ZYG11B: variants seen among roughly 807,000 people sequenced by gnomAD.
ZYG11B encodes zyg-11 family member B, cell cycle regulator, also known as protein zyg-11 homolog B.
In ZYG11B, 36 loss-of-function variants were observed where a neutral mutation model predicts 82.4. The ratio of observed to expected loss-of-function variants is 0.44; its 90% CI spans 0.33 to 0.58. The LOEUF (loss-of-function observed/expected upper bound fraction) is 0.58, where lower values mean the gene tolerates loss of function less well. Among genes scored for constraint, ZYG11B ranks in the 20% least tolerant of loss-of-function variants. The probability of loss-of-function intolerance (pLI) is 0.02; values close to 1 mark genes in which losing one functional copy is unlikely to be tolerated. For synonymous variants in ZYG11B, 303 were observed against 312.8 expected, an observed-to-expected ratio of 0.97 and a Z score of 0.33; for missense variants, 552 against 895.6, an observed-to-expected ratio of 0.62 and a Z score of 4.90.
At chr1:52,797,436 A>T (rs1390991823) in intron 8 of ZYG11B, among the ~76,000 whole-genome samples, 2 of 126,538 alleles carry the variant, frequency 1.6e-5, no homozygotes, top group African/African-American at 3.2e-5. Flanking sequence ...ATTATATATA[A>T]CATATATATT....
intron 1 of ZYG11B, chr1:52,754,512 G>A (rs1447750067): frequency 6.6e-6 from 1 of 152,314 alleles, no homozygotes; most frequent in Non-Finnish European, 1.5e-5. Context: ...CTCCCAAGTA[G>A]CTGGGGTTAC....
intron 2 of ZYG11B, among the ~76,000 whole-genome samples, chr1:52,758,831 T>TA (rs1421415206): frequency 6.6e-6 from 1 of 152,192 alleles, no homozygotes; most frequent in African/African-American, 2.4e-5. Context: ...TTATATATGT[T>TA]AAAGTTAAAA....
chr1:52,751,119 A>G (rs1644519091), intron 1 of ZYG11B, among the ~76,000 whole-genome samples: 1 of 152,060 alleles, frequency 6.6e-6, no homozygotes, highest in Non-Finnish European at 1.5e-5. Flanking sequence ...AACTAAGACT[A>G]CAGATACCTG....
intron 1 of ZYG11B, among the ~76,000 whole-genome samples, chr1:52,740,463 G>GA (rs1558117151): frequency 6.6e-6 from 1 of 151,192 alleles, no homozygotes; most frequent in Non-Finnish European, 1.5e-5. Flanking sequence ...CTTTTAAAAA[G>GA]AAAAACAATT....
chr1:52,753,642 G>A (rs1429255053), intron 1 of ZYG11B, among the ~76,000 whole-genome samples: 2 of 151,924 alleles, frequency 1.3e-5, no homozygotes, highest in African/African-American at 4.8e-5. Flanking sequence ...TGTTGCCCAG[G>A]CCGGAGTGCA....
intron 7 of ZYG11B, 109 bp downstream of exon 7, chr1:52,796,500 G>T: frequency 2.0e-6 from 2 of 1,013,616 alleles, no homozygotes; most frequent in Non-Finnish European, 3.0e-6. Context: ...CTCTCTGCCA[G>T]CCTGCTTATT....
At chr1:52,797,423 C>CATATATATTATAT (rs1558137812) in intron 8 of ZYG11B, among the ~76,000 whole-genome samples, 8 of 91,816 alleles carry the variant, frequency 8.7e-5, no homozygotes, top group East Asian at 5.8e-4. Flanking sequence ...ATATATTATA[C>CATATATATTATAT]ATATTATATA....
intron 1 of ZYG11B, among the ~76,000 whole-genome samples, chr1:52,735,634 T>C (rs912410882): frequency 2.0e-5 from 3 of 152,026 alleles, no homozygotes; most frequent in African/African-American, 7.2e-5. Flanking sequence ...CCTCCCGAGT[T>C]CAAGTGATTC....
At chr1:52,783,838 A>ATATGTACATACCCATGTGCG (rs1644880353) in intron 4 of ZYG11B, among the ~76,000 whole-genome samples, 1 of 101,764 alleles carries the variant, frequency 9.8e-6, no homozygotes, top group African/African-American at 3.7e-5. Context: ...ATACGTGTGT[A>ATATGTACATACCCATGTGCG]TATGTACATA....
At chr1:52,788,379 G>A (rs1644930890) in intron 5 of ZYG11B, among the ~76,000 whole-genome samples, 1 of 152,150 alleles carries the variant, frequency 6.6e-6, no homozygotes, top group Admixed American at 6.5e-5. Context: ...CATAGATTCA[G>A]TGAAATTTAT....
rs542312407 is a variant in ZYG11B, at chr1:52,791,499, G to A, written c.1334+1432G>A. Among the ~76,000 whole-genome samples, 5 of 152,034 alleles carry A rather than the reference G, an allele frequency of 3.3e-5. 1 individual carries two copies. The South Asian group carries it at 1.0e-3, about 32-fold the overall frequency. ...TTCTCCTGCTTTAGCCTCCCAAATA[G>A]CTGGGATTACAGGCATGTGCCATCA... On this transcript the variant is annotated intron_variant, in intron 6 of 13. Coordinates refer to ENST00000294353, the MANE Select transcript of ZYG11B (RefSeq NM_024646.3).
intron 8 of ZYG11B, among the ~76,000 whole-genome samples, 160 bp downstream of exon 8, chr1:52,796,944 ATGT>A (rs1645015601): frequency 1.0e-5 from 1 of 98,306 alleles, no homozygotes; most frequent in Admixed American, 1.7e-4. Flanking sequence ...ATTATATATA[ATGT>A]ATAATTATAT....
intron 10 of ZYG11B, among the ~76,000 whole-genome samples, chr1:52,807,652 C>T (rs989572891): frequency 1.3e-5 from 2 of 151,778 alleles, no homozygotes; most frequent in African/African-American, 4.8e-5. Flanking sequence ...CTACCATGCC[C>T]GACTAATTTT....
At chr1:52,801,229 G>C (rs147658325) in intron 8 of ZYG11B, among the ~76,000 whole-genome samples, 1 of 151,912 alleles carries the variant, frequency 6.6e-6, no homozygotes, top group East Asian at 1.9e-4. Flanking sequence ...GAGGAGGGAG[G>C]GGCTATTATC....
At chr1:52,756,959 AG>A (rs1267716475) in intron 2 of ZYG11B, among the ~76,000 whole-genome samples, 3 of 151,672 alleles carry the variant, frequency 2.0e-5, no homozygotes, top group African/African-American at 7.2e-5. Flanking sequence ...CTGGGACCAC[AG>A]GCTTGTGCCA....
chr1:52,802,271 G>T, intron 10 of ZYG11B, 132 bp downstream of exon 10: 2 of 632,152 alleles, frequency 3.2e-6, no homozygotes, highest in South Asian at 2.5e-5. Context: ...TGCTAATTGA[G>T]AACTATTCCC....
At chr1:52,777,367 T>C (rs1434681525) in intron 3 of ZYG11B, among the ~76,000 whole-genome samples, 1 of 152,186 alleles carries the variant, frequency 6.6e-6, no homozygotes, top group Non-Finnish European at 1.5e-5. Flanking sequence ...TTGTAGCATA[T>C]CCTATTAATG....
chr1:52,790,947 T>G (rs945139057), intron 6 of ZYG11B, among the ~76,000 whole-genome samples: 2 of 151,368 alleles, frequency 1.3e-5, no homozygotes, highest in African/African-American at 2.4e-5. Context: ...ATTTTTTTTT[T>G]ATTTTACTAT....
At chr1:52,777,473 C>T (rs1644819790) in intron 3 of ZYG11B, among the ~76,000 whole-genome samples, 1 of 152,014 alleles carries the variant, frequency 6.6e-6, no homozygotes, top group Admixed American at 6.6e-5. Context: ...TTGATAGAGT[C>T]TCACTCTGTT....
Sources: allele counts gnomAD v4.1 joint callset (sites outside exome capture counted in the v4.1 genomes callset), GRCh38; gene constraint gnomAD v4.1.1; transcripts MANE v1.5; gene names NCBI Gene and HGNC (gene_info 2026-07-23, HGNC 2026-07-21).